Variants in MCTP1 observed in about 807,000 individuals in gnomAD.
MCTP1 encodes multiple C2 and transmembrane domain-containing protein 1.
Under a neutral mutation model 120.6 loss-of-function variants are expected in MCTP1, and 69 were observed. The observed-to-expected ratio is 0.57, with a 90% CI of 0.47 to 0.70. MCTP1 has a LOEUF of 0.70. Ranked by LOEUF, MCTP1 falls within the 30% of genes least tolerant of loss-of-function variation. The pLI is 0.00. For missense variants in MCTP1, 1,203 were observed against 1,248.8 expected (o/e 0.96, Z 0.55); for synonymous variants, 529 against 493.1 (o/e 1.07, Z -0.96).
At chr5:95,009,892 A>G (rs1835571590) in intron 2 of MCTP1, among the ~76,000 whole-genome samples, 1 of 152,186 alleles carries the variant, frequency 6.6e-6, no homozygotes, top group African/African-American at 2.4e-5. Context: ...AGGTGTAGAA[A>G]TGGAAGAATG....
chr5:94,792,799 A>G (rs1340819670), intron 18 of MCTP1: 1 of 152,260 alleles, frequency 6.6e-6, no homozygotes, highest in African/African-American at 2.4e-5. Context: ...ATGCTTGAAG[A>G]TGTTGGGGAA....
chr5:95,250,669 G>A (rs1757298027), intron 1 of MCTP1, among the ~76,000 whole-genome samples: 1 of 152,138 alleles, frequency 6.6e-6, no homozygotes, highest in African/African-American at 2.4e-5. Flanking sequence ...TATAAAAATG[G>A]AAGCGTTCTT....
At chr5:94,966,077 CTT>C (rs780051689) in intron 2 of MCTP1, among the ~76,000 whole-genome samples, 20 of 152,138 alleles carry the variant, frequency 1.3e-4, no homozygotes, top group Non-Finnish European at 1.9e-4. Flanking sequence ...CTCAAACTGA[CTT>C]TGAGTTGGAA....
intron 1 of MCTP1, among the ~76,000 whole-genome samples, chr5:95,134,139 G>A (rs1288205581): frequency 6.6e-6 from 1 of 152,142 alleles, no homozygotes; most frequent in African/African-American, 2.4e-5. Context: ...CTATAAATAG[G>A]TGAGATTGGA....
chr5:94,865,678 T>C (rs534513029), intron 17 of MCTP1, among the ~76,000 whole-genome samples: 1 of 152,070 alleles, frequency 6.6e-6, no homozygotes, highest in East Asian at 1.9e-4. Flanking sequence ...ATCTACAAGA[T>C]GAATAAATAT....
intron 1 of MCTP1, among the ~76,000 whole-genome samples, chr5:95,045,000 C>T (rs1176128759): frequency 6.6e-6 from 1 of 152,102 alleles, no homozygotes; most frequent in Non-Finnish European, 1.5e-5. Flanking sequence ...AACTTCCATA[C>T]ACTGAAAACT....
rs953639157 is a variant in MCTP1, at chr5:94,706,306, A to C, written c.*1190T>G. The stretch of plus-strand genomic sequence containing the variant: ...AGTATACCAGGGAGTGAGATATAAA[A>C]ACTACTTTAAGAGTCTTGGGAATGC... On this transcript the variant is annotated 3_prime_UTR_variant, in exon 23 of 23. Coordinates refer to ENST00000515393, the MANE Select transcript of MCTP1 (RefSeq NM_024717.7). 3 of 151,816 alleles carry C rather than the reference A, an allele frequency of 2.0e-5. No homozygotes were observed. Among genetic ancestry groups the C allele is most frequent in the Non-Finnish European group, 4.4e-5 (3 of 67,762 alleles). The allele number at this position is 151,816 out of a possible 1,614,324, so 9.4% of individuals were successfully genotyped here. A position where few individuals can be genotyped will look rare whatever the true frequency, so the allele number is the denominator to read the frequency against.
intron 2 of MCTP1, among the ~76,000 whole-genome samples, chr5:95,011,009 C>T (rs909879419): frequency 6.6e-6 from 1 of 152,102 alleles, no homozygotes; most frequent in African/African-American, 2.4e-5. Flanking sequence ...ACAGAAATGA[C>T]GTGCTGTTTT....
At chr5:95,167,804 T>A (rs112335777) in intron 1 of MCTP1, among the ~76,000 whole-genome samples, 1 of 152,254 alleles carries the variant, frequency 6.6e-6, no homozygotes, top group Non-Finnish European at 1.5e-5. Flanking sequence ...TAGCCCTTTG[T>A]CAGATGAGTA....
rs1398407513 is a variant in MCTP1, at chr5:94,783,759, ATAT to A, written c.2557-4599_2557-4597del. On this transcript the variant is annotated intron_variant, in intron 18 of 22. Transcript: ENST00000515393. ...CCATGAATTATTTTTAAAACACTTC[ATAT>A]TATAATTTTTCCATGAGTAAATTCT... 3.9e-5 allele frequency among the ~76,000 whole-genome samples: 6 copies of A among 152,232 alleles called. No homozygotes were observed. The East Asian group carries it at 1.2e-3, about 29-fold the overall frequency.
intron 1 of MCTP1, among the ~76,000 whole-genome samples, chr5:95,235,671 T>G (rs758358471): frequency 7.9e-5 from 12 of 152,190 alleles, no homozygotes; most frequent in Non-Finnish European, 1.6e-4. Context: ...TATCACATTG[T>G]GATAATTATT....
intron 2 of MCTP1, among the ~76,000 whole-genome samples, chr5:94,995,627 C>G (rs1054833810): frequency 6.6e-6 from 1 of 152,134 alleles, no homozygotes. Flanking sequence ...TATCCCTAAA[C>G]AATGTTAAGA....
intron 1 of MCTP1, among the ~76,000 whole-genome samples, chr5:95,245,555 T>A (rs1756667029): frequency 6.6e-6 from 1 of 151,110 alleles, no homozygotes; most frequent in Admixed American, 6.6e-5. Context: ...GCCAATTTGA[T>A]CAAGTGGAAG....
chr5:95,080,927 T>TC (rs1430290910), intron 1 of MCTP1, among the ~76,000 whole-genome samples: 1 of 152,154 alleles, frequency 6.6e-6, no homozygotes, highest in African/African-American at 2.4e-5. Flanking sequence ...ATATGAAAGG[T>TC]CCAGAGGCTT....
chr5:95,241,296 C>T (rs754467850), intron 1 of MCTP1, among the ~76,000 whole-genome samples: 19 of 152,178 alleles, frequency 1.2e-4, no homozygotes, highest in Non-Finnish European at 2.4e-4. Flanking sequence ...TTTCTCACAT[C>T]TCAGTATGGC....
In MCTP1 at chr5:94,870,930, T is replaced by C. The variant is rs754751426; in HGVS notation, c.2183A>G (p.Gln728Arg). The change falls in exon 15 of 23, where the codon CAG (glutamine) becomes CGG (arginine). Residue 728 changes from glutamine to arginine, a missense_variant. This residue lies in a region of MCTP1 where 740 missense variants were observed against 871.1 expected (regional missense o/e 0.85). Transcript: ENST00000515393. ...EQKAYVLKNK[Q>R]LTGPTKGVIY... ...GACCCCCTTTGTTGGCCCTGTCAGC[T>C]GCTTGTTTTTCAAGACGTAGGCTTT... The C allele has an allele frequency of 6.2e-7, 1 of 1,613,234 alleles. No homozygotes were observed. Among genetic ancestry groups the C allele is most frequent in the East Asian group, 2.2e-5 (1 of 44,822 alleles).
chr5:94,841,483 A>T (rs933281441), intron 17 of MCTP1, among the ~76,000 whole-genome samples: 4 of 152,120 alleles, frequency 2.6e-5, no homozygotes, highest in Non-Finnish European at 5.9e-5. Context: ...TTCAGAATAG[A>T]TTTGTTTATC....
intron 2 of MCTP1, among the ~76,000 whole-genome samples, chr5:94,963,478 T>TC (rs1473557183): frequency 1.3e-5 from 2 of 151,586 alleles, no homozygotes; most frequent in Non-Finnish European, 2.9e-5. Flanking sequence ...TGTTTTCTTT[T>TC]TTTTTTTTTA....
intron 1 of MCTP1, among the ~76,000 whole-genome samples, chr5:95,194,381 G>T (rs910066257): frequency 2.6e-5 from 4 of 152,222 alleles, no homozygotes; most frequent in Admixed American, 1.3e-4. Flanking sequence ...CTACTGCGTG[G>T]AAAAATTACC....
Sources: allele counts gnomAD v4.1 joint callset (sites outside exome capture counted in the v4.1 genomes callset), GRCh38; gene constraint gnomAD v4.1.1; regional missense constraint gnomAD v4.1.1; transcripts MANE v1.5; gene names NCBI Gene and HGNC (gene_info 2026-07-23, HGNC 2026-07-21).